The following GRM8 variants were observed in gnomAD, a reference collection of about 807,000 sequenced individuals.
GRM8 encodes the protein metabotropic glutamate receptor 8.
Under a neutral mutation model 87.2 loss-of-function variants are expected in GRM8, and 47 were observed. The observed-to-expected ratio is 0.54, with a 90% CI of 0.43 to 0.69. The LOEUF (loss-of-function observed/expected upper bound fraction) is 0.69, where lower values mean the gene tolerates loss of function less well. Among genes scored for constraint, GRM8 ranks in the 30% least tolerant of loss-of-function variants. The pLI is 0.00. For synonymous variants in GRM8, 396 were observed against 404.5 expected, an observed-to-expected ratio of 0.98 and a Z score of 0.25; for missense variants, 1,019 against 1,139.2, an observed-to-expected ratio of 0.89 and a Z score of 1.52.
chr7:126,450,000 C>A (rs1432403691), intron 9 of GRM8, among the ~76,000 whole-genome samples: 1 of 151,790 alleles, frequency 6.6e-6, no homozygotes, highest in Non-Finnish European at 1.5e-5. Flanking sequence ...CAGATTTAAG[C>A]AATCTCTAGA....
chr7:126,987,432 T>C (rs1183118076), intron 3 of GRM8, among the ~76,000 whole-genome samples: 1 of 149,210 alleles, frequency 6.7e-6, no homozygotes, highest in African/African-American at 2.5e-5. Flanking sequence ...ACAAGAAGCA[T>C]ATCTTGTTCA....
chr7:126,505,862 A>C (rs930702692), intron 9 of GRM8, among the ~76,000 whole-genome samples: 1 of 152,048 alleles, frequency 6.6e-6, no homozygotes, highest in Non-Finnish European at 1.5e-5. Context: ...AGAACACTTA[A>C]GATCTACGCT....
intron 6 of GRM8, among the ~76,000 whole-genome samples, chr7:126,872,680 A>T (rs1255336803): frequency 6.6e-6 from 1 of 152,124 alleles, no homozygotes; most frequent in Middle Eastern, 3.2e-3. Flanking sequence ...GAATATCCAG[A>T]TTCCCTGCAG....
At chr7:126,765,876 T>C (rs1818143497) in intron 7 of GRM8, among the ~76,000 whole-genome samples, 1 of 152,084 alleles carries the variant, frequency 6.6e-6, no homozygotes, top group Non-Finnish European at 1.5e-5. Context: ...AAAATACAGA[T>C]GCAGAAGATG....
At chr7:126,621,106 T>C (rs1314639104) in intron 7 of GRM8, among the ~76,000 whole-genome samples, 7 of 152,196 alleles carry the variant, frequency 4.6e-5, no homozygotes, top group African/African-American at 1.7e-4. Flanking sequence ...AAGTAGCAAT[T>C]TTCAACAGTG....
At chr7:126,775,496 T>TGTTTG (rs1563176418) in intron 6 of GRM8, among the ~76,000 whole-genome samples, 21 of 149,980 alleles carry the variant, frequency 1.4e-4, no homozygotes, top group African/African-American at 4.4e-4. Flanking sequence ...TTTTTTTTTT[T>TGTTTG]TTTTTTTTTT....
At chr7:126,774,633 A>C (rs1819221448) in intron 6 of GRM8, among the ~76,000 whole-genome samples, 1 of 152,134 alleles carries the variant, frequency 6.6e-6, no homozygotes. Context: ...GAAAATAATA[A>C]ATTCTTACTG....
chr7:126,721,493 G>T lies in GRM8; in HGVS notation c.1357+48372C>A, dbSNP rs146643203. 2.8e-3 allele frequency among the ~76,000 whole-genome samples: 428 copies of T among 151,988 alleles called. 7 individuals are homozygous for T. The highest frequency in any genetic ancestry group is 9.8e-3 in the African/African-American group (407 of 41,426). On this transcript the variant is annotated intron_variant, in intron 7 of 10. Transcript: ENST00000339582. Reference sequence around the variant, plus strand: ...ACTCTTTCTTGGTGTTGTTGCCATTGCCCACAACACTTATTGTGAAATTTC... The same window carrying T: ...ACTCTTTCTTGGTGTTGTTGCCATTTCCCACAACACTTATTGTGAAATTTC...
chr7:126,750,942 A>T (rs62479761), intron 7 of GRM8, among the ~76,000 whole-genome samples: 52,346 of 151,954 alleles, frequency 0.34, 9,654 homozygotes, highest in Middle Eastern at 0.46. Context: ...TGATTCTTCA[A>T]AGTCACAAAT....
chr7:126,976,556 T>C (rs1312226675), intron 3 of GRM8, among the ~76,000 whole-genome samples: 6 of 152,186 alleles, frequency 3.9e-5, no homozygotes, highest in African/African-American at 1.2e-4. Context: ...ATGGCGCCAC[T>C]GCACTCCAGC....
chr7:126,689,683 C>A (rs1808597673), intron 7 of GRM8, among the ~76,000 whole-genome samples: 2 of 152,156 alleles, frequency 1.3e-5, no homozygotes, highest in African/African-American at 4.8e-5. Flanking sequence ...AGCAGATATA[C>A]TCTGCCAATT....
chr7:126,537,725 C>T (rs564165408), intron 8 of GRM8, among the ~76,000 whole-genome samples: 4 of 151,776 alleles, frequency 2.6e-5, no homozygotes, highest in Non-Finnish European at 5.9e-5. Flanking sequence ...TGCAGTAAGC[C>T]GAGATCACGC....
At chr7:126,933,819 A>C (rs907516623) in intron 3 of GRM8, among the ~76,000 whole-genome samples, 1 of 152,244 alleles carries the variant, frequency 6.6e-6, no homozygotes, top group Non-Finnish European at 1.5e-5. Context: ...CCATGAGAGC[A>C]GGAACCATGT....
At chr7:126,879,834 T>G (rs1799868988) in intron 6 of GRM8, among the ~76,000 whole-genome samples, 1 of 152,188 alleles carries the variant, frequency 6.6e-6, no homozygotes, top group Non-Finnish European at 1.5e-5. Flanking sequence ...CTTGGAGCAT[T>G]GCATATTTGT....
intron 8 of GRM8, among the ~76,000 whole-genome samples, chr7:126,554,267 A>G (rs1792899114): frequency 6.6e-6 from 1 of 152,042 alleles, no homozygotes; most frequent in African/African-American, 2.4e-5. Context: ...AACCAACTCA[A>G]TAATAAATCA....
At chr7:126,668,013 A>G (rs988465252) in intron 7 of GRM8, among the ~76,000 whole-genome samples, 1 of 152,176 alleles carries the variant, frequency 6.6e-6, no homozygotes, top group African/African-American at 2.4e-5. Context: ...GAGACAGCGA[A>G]GGGGTGCCTG....
chr7:127,202,551 T>C (rs1795674818), intron 2 of GRM8, among the ~76,000 whole-genome samples: 1 of 152,194 alleles, frequency 6.6e-6, no homozygotes, highest in Admixed American at 6.5e-5. Context: ...ATTGAATACC[T>C]ACTGGGTGCC....
chr7:127,033,486 C>T (rs1294621390), intron 3 of GRM8, among the ~76,000 whole-genome samples: 1 of 152,046 alleles, frequency 6.6e-6, no homozygotes, highest in African/African-American at 2.4e-5. Flanking sequence ...AACTGATCAG[C>T]TCATTTTACC....
At chr7:127,062,340 C>T (rs142146111) in intron 3 of GRM8, among the ~76,000 whole-genome samples, 63 of 152,134 alleles carry the variant, frequency 4.1e-4, no homozygotes, top group African/African-American at 1.5e-3. Flanking sequence ...CTTGACACAG[C>T]ATGCAATAGG....
Sources: allele counts gnomAD v4.1 joint callset (sites outside exome capture counted in the v4.1 genomes callset), GRCh38; gene constraint gnomAD v4.1.1; transcripts MANE v1.5; gene names NCBI Gene and HGNC (gene_info 2026-07-23, HGNC 2026-07-21).